The following RGPD4 variants were observed in gnomAD, a reference collection of about 807,000 sequenced individuals.
RGPD4 encodes RANBP2 like and GRIP domain containing 4.
A neutral mutation model predicts 141.1 loss-of-function variants in RGPD4; 84 were observed. That is an observed-to-expected ratio of 0.60 (90% CI 0.50 to 0.71). The LOEUF (loss-of-function observed/expected upper bound fraction) is 0.71, where lower values mean the gene tolerates loss of function less well. Ranked by LOEUF, RGPD4 falls within the 30% of genes least tolerant of loss-of-function variation. The pLI, the probability that RGPD4 is intolerant of heterozygous loss-of-function variation, is 0.00. For missense variants in RGPD4, 918 were observed against 1,622.4 expected (o/e 0.57, Z 7.46); for synonymous variants, 298 against 566.8 (o/e 0.53, Z 6.74).
At chr2:107,887,150 C>T (rs1317299434) in intron 22 of RGPD4, among the ~76,000 whole-genome samples, 2 of 151,578 alleles carry the variant, frequency 1.3e-5, no homozygotes, top group Admixed American at 6.6e-5. Flanking sequence ...GCTAAGGCAG[C>T]AGGATTCTTT....
At position 107,870,995 on chromosome 2, in the gene RGPD4, A is replaced by G; in HGVS notation, c.2991A>G (p.Ser997=). 5.0e-6 allele frequency: 8 copies of G among 1,610,946 alleles called. No homozygotes were observed. The highest frequency in any genetic ancestry group is 6.8e-6 in the Non-Finnish European group (8 of 1,179,762). ...AAGACCCCAATTTCAAGGGATTTTC[A>G]GGTGCTGGAGAAAAATTATTCTCAT... The part of the protein sequence containing the change: ...GKKDPNFKGF[S]GAGEKLFSSQ... The change falls in exon 20 of 23, where the codon TCA becomes TCG. Residue 997 remains serine (S), a synonymous_variant. Coordinates refer to ENST00000408999, the MANE Select transcript of RGPD4 (RefSeq NM_182588.3).
At chr2:107,853,740 T>A (rs1392596248) in intron 7 of RGPD4, among the ~76,000 whole-genome samples, 5 of 42,890 alleles carry the variant, frequency 1.2e-4, no homozygotes, top group African/African-American at 3.5e-4. Flanking sequence ...GCTCTGTGTA[T>A]GCTTTTTTTT....
intron 22 of RGPD4, among the ~76,000 whole-genome samples, chr2:107,884,259 C>A (rs561772168): frequency 8.2e-4 from 125 of 151,994 alleles, no homozygotes; most frequent in Non-Finnish European, 1.4e-3. Context: ...TACAGATGCA[C>A]GCCAGCTAAT....
Position 107,857,956 on chromosome 2 carries a change from T to C in RGPD4, c.1276+987T>C, listed in dbSNP as rs893343734. On this transcript the variant is annotated intron_variant, in intron 9 of 22. Transcript: ENST00000408999. ...GTGAGCCAAGATGACACTGCTGCACTACAGCCTGGGCGACAGAGCGAGACT... is the reference window on the plus strand; with the variant it reads ...GTGAGCCAAGATGACACTGCTGCACCACAGCCTGGGCGACAGAGCGAGACT... Among the ~76,000 whole-genome samples the C allele has an allele frequency of 2.6e-5, 4 of 151,994 alleles. 1 individual carries two copies. The highest frequency in any genetic ancestry group is 9.7e-5 in the African/African-American group (4 of 41,220).
intron 18 of RGPD4, 45 bp from the exon 19 acceptor site, chr2:107,869,838 A>G (rs752010841): frequency 1.3e-6 from 2 of 1,527,562 alleles, no homozygotes; most frequent in Admixed American, 2.0e-5. Flanking sequence ...TAACTGTAGT[A>G]TAGACTTTAA....
At position 107,886,673 on chromosome 2, in the gene RGPD4, G is replaced by T. The variant is rs578075615; in HGVS notation, c.5266+3800G>T. ...CAGTCTGACTGGTCACACTAGGGGG[G>T]CATTTTGTTACCAAGGCCTTGAAAA... On this transcript the variant is annotated intron_variant, in intron 22 of 22. Coordinates refer to ENST00000408999, the MANE Select transcript of RGPD4 (RefSeq NM_182588.3). 7.2e-5 allele frequency among the ~76,000 whole-genome samples: 11 copies of T among 152,158 alleles called. 1 individual carries two copies. In the South Asian group the frequency reaches 2.3e-3, roughly 32 times the overall value.
rs562784737 is a variant in RGPD4 at position 107,858,266 on chromosome 2, A to G, written c.1277-848A>G. On this transcript the variant is annotated intron_variant, in intron 9 of 22. Transcript: ENST00000408999. ...AAAAACTTCAACAAAAAGTGTCTTC[A>G]TGGCAAGTTATTTCCATAGAGATAC... 7.9e-5 allele frequency among the ~76,000 whole-genome samples: 12 copies of G among 152,062 alleles called. No individual in the cohort carries two copies. The East Asian group carries it at 2.1e-3, about 27-fold the overall frequency.
Position 107,848,450 on chromosome 2 carries a change from C to T in RGPD4, c.892C>T (p.Leu298Phe). The change falls in exon 7 of 23, where the codon CTC (leucine) becomes TTC (phenylalanine). Residue 298 changes from leucine to phenylalanine, a missense_variant. Leu to Phe is a conservative substitution (Grantham distance 22). Coordinates refer to ENST00000408999, the MANE Select transcript of RGPD4 (RefSeq NM_182588.3). The stretch of plus-strand genomic sequence containing the variant: ...TTTCTACATGCATGCTGGTTCTCTG[C>T]TCTTGAAGATGGGTCAGCATGGTAA... ...GHFYMHAGSL[L>F]LKMGQHGNNV... 1 of 224,452 alleles carries T rather than the reference C, an allele frequency of 4.5e-6. No homozygotes were observed. The highest frequency in any genetic ancestry group is 7.9e-5 in the East Asian group (1 of 12,586). The allele number at this position is 224,452 out of a possible 1,614,324, so 13.9% of individuals were successfully genotyped here. A position where few individuals can be genotyped will look rare whatever the true frequency, so the allele number is the denominator to read the frequency against.
At chr2:107,845,183 G>A (rs1401509681) in intron 6 of RGPD4, among the ~76,000 whole-genome samples, 1 of 118,906 alleles carries the variant, frequency 8.4e-6, no homozygotes, top group African/African-American at 3.2e-5. Flanking sequence ...TGGAACTACA[G>A]GTGCCCGACA....
In RGPD4 at chr2:107,871,978, C is replaced by T. The variant is rs554253773; in HGVS notation, c.3974C>T (p.Thr1325Ile). Residue 1325 changes from threonine to isoleucine, a missense_variant, in exon 20 of 23, where the codon ACT (threonine) becomes ATT (isoleucine). Coordinates refer to ENST00000408999, the MANE Select transcript of RGPD4 (RefSeq NM_182588.3). The part of the protein sequence containing the change: ...SVGTDEESDV[T>I]QEEERDGQYF... ...GGCACTGATGAAGAATCTGATGTTA[C>T]TCAAGAAGAAGAGAGAGATGGACAG... 5.9e-4 allele frequency: 954 copies of T among 1,611,414 alleles called. 20 individuals carry two copies. The African/African-American group carries it at 0.01, about 17-fold the overall frequency.
rs765039415 is a variant in RGPD4 at position 107,871,194 on chromosome 2, G to C, written c.3190G>C (p.Gly1064Arg). Residue 1064 changes from glycine (G) to arginine (R), a missense_variant, in exon 20 of 23, where the codon GGG (glycine) becomes CGG (arginine). Coordinates refer to ENST00000408999, the MANE Select transcript of RGPD4 (RefSeq NM_182588.3). ...EEGEKVLYSQGVKLFRFDAEV... is the reference protein window; with the variant it reads ...EEGEKVLYSQRVKLFRFDAEV... ...AGGTGAAAAAGTTCTGTATTCACAG[G>C]GGGTAAAACTATTTAGATTTGATGC... 13 of 1,609,916 alleles carry C rather than the reference G, an allele frequency of 8.1e-6. No individual in the cohort carries two copies. The highest frequency in any genetic ancestry group is 6.7e-5 in the East Asian group (3 of 44,870).
In RGPD4 at chr2:107,827,025, C is replaced by T; in HGVS notation, c.12C>T (p.Ser4=). ...AGGTTGGTGGCGCGATGAGTTGCAG[C>T]AAGGCCTACGGGGAGCGGTACGTCG... MSC[S]KAYGERYVAS... The change falls in exon 1 of 23, where the codon AGC becomes AGT. Residue 4 remains serine (S), a synonymous_variant. Coordinates refer to ENST00000408999, the MANE Select transcript of RGPD4 (RefSeq NM_182588.3). The T allele has an allele frequency of 2.5e-6, 4 of 1,599,812 alleles. No individual in the cohort carries two copies. The highest frequency in any genetic ancestry group is 2.6e-6 in the Non-Finnish European group (3 of 1,174,684).
chr2:107,881,564 C>T (rs1263357188), intron 21 of RGPD4, among the ~76,000 whole-genome samples: 1 of 151,276 alleles, frequency 6.6e-6, no homozygotes, highest in Non-Finnish European at 1.5e-5. Flanking sequence ...GATCTGCCTG[C>T]CTCAGCCTCC....
In RGPD4 at chr2:107,859,416, A is replaced by T. The variant is rs1433727717; in HGVS notation, c.1496A>T (p.Gln499Leu). The change falls in exon 11 of 23, where the codon CAA becomes CTA. Residue 499 changes from glutamine to leucine, a missense_variant. Coordinates refer to ENST00000408999, the MANE Select transcript of RGPD4 (RefSeq NM_182588.3). ...LLGVVYTSHL[Q>L]LKEKCNSHHS... ...GGAGTAGTATATACCAGCCACTTAC[A>T]ATTAAAGGAGAAATGTAATTCTCAC... The T allele has an allele frequency of 3.7e-6, 6 of 1,610,796 alleles. No individual in the cohort carries two copies. The East Asian group carries it at 1.1e-4, about 30-fold the overall frequency.
At chr2:107,857,176 C>T (rs1482286786) in intron 9 of RGPD4, among the ~76,000 whole-genome samples, 1 of 148,706 alleles carries the variant, frequency 6.7e-6, no homozygotes, top group Non-Finnish European at 1.5e-5. Context: ...TTGCTCTTGT[C>T]GCCCATGCTG....
At chr2:107,830,116 C>G (rs1289571005) in intron 1 of RGPD4, among the ~76,000 whole-genome samples, 1 of 151,914 alleles carries the variant, frequency 6.6e-6, no homozygotes, top group Non-Finnish European at 1.5e-5. Context: ...CCACTCCACT[C>G]CTCATACTCA....
At chr2:107,885,109 A>G (rs1472540485) in intron 22 of RGPD4, among the ~76,000 whole-genome samples, 1 of 152,072 alleles carries the variant, frequency 6.6e-6, no homozygotes, top group Non-Finnish European at 1.5e-5. Flanking sequence ...CCCAAATAAG[A>G]ATACATCATG....
At chr2:107,830,333 T>A (rs1288923245) in intron 1 of RGPD4, among the ~76,000 whole-genome samples, 22 of 111,880 alleles carry the variant, frequency 2.0e-4, no homozygotes, top group Non-Finnish European at 2.5e-4. Flanking sequence ...TTTTTTTTTT[T>A]AAACAAGCTT....
chr2:107,880,543 G>C (rs547778043), intron 21 of RGPD4, among the ~76,000 whole-genome samples: 2 of 151,746 alleles, frequency 1.3e-5, no homozygotes, highest in African/African-American at 2.4e-5. Context: ...TATTACAGGC[G>C]TGAGCCACTG....
Sources: gnomAD v4.1 joint callset for allele counts (sites outside exome capture counted in the v4.1 genomes callset) on GRCh38, gnomAD v4.1.1 for gene constraint, MANE v1.5 for transcripts, NCBI Gene and HGNC (gene_info 2026-07-23, HGNC 2026-07-21) for gene names.